ZBBX: variants seen among roughly 807,000 people sequenced by gnomAD.
ZBBX encodes zinc finger B-box domain containing.
A neutral mutation model predicts 108.5 loss-of-function variants in ZBBX; 101 were observed. The observed-to-expected ratio is 0.93, with a 90% CI of 0.79 to 1.10. ZBBX has a LOEUF of 1.10. ZBBX is among the 50% of genes least tolerant of loss of function. The probability of loss-of-function intolerance (pLI) is 0.00; values close to 1 mark genes in which losing one functional copy is unlikely to be tolerated. For synonymous variants in ZBBX, 356 were observed against 323.4 expected (o/e 1.10, Z -1.08); for missense variants, 1,009 against 941.4 (o/e 1.07, Z -0.94).
intron 1 of ZBBX, among the ~76,000 whole-genome samples, chr3:167,402,667 T>C (rs1748460652): frequency 6.6e-6 from 1 of 151,918 alleles, no homozygotes; most frequent in South Asian, 2.1e-4. Context: ...ATTTAAAAGA[T>C]CTATCTTCAA....
chr3:167,191,089 T>C, the ZBBX span, among the ~76,000 whole-genome samples: 2 of 152,182 alleles, frequency 1.3e-5, no homozygotes, highest in African/African-American at 4.8e-5. Flanking sequence ...TCAACCAAGT[T>C]ACTAAAGTAG....
intron 20 of ZBBX, chr3:167,248,562 G>A: frequency 4.4e-6 from 2 of 451,862 alleles, no homozygotes; most frequent in Middle Eastern, 3.4e-4. Context: ...ATTCGACAGG[G>A]CACATTTGAG....
At chr3:167,335,137 A>G (rs1450517051) in intron 9 of ZBBX, among the ~76,000 whole-genome samples, 1 of 151,564 alleles carries the variant, frequency 6.6e-6, no homozygotes, top group East Asian at 1.9e-4. Context: ...CCCTAACTAT[A>G]TTGATTTCAC....
At chr3:167,199,100 G>A in the ZBBX span, among the ~76,000 whole-genome samples, 1 of 152,158 alleles carries the variant, frequency 6.6e-6, no homozygotes, top group Non-Finnish European at 1.5e-5. Flanking sequence ...AAGAGAATGG[G>A]GAAGTGAGAT....
chr3:167,367,968 G>GTGTATA (rs1412044443), intron 5 of ZBBX, among the ~76,000 whole-genome samples: 3 of 21,908 alleles, frequency 1.4e-4, no homozygotes, highest in African/African-American at 4.3e-4. Context: ...TTATATATAT[G>GTGTATA]TATATATATA....
intron 9 of ZBBX, among the ~76,000 whole-genome samples, chr3:167,344,858 T>C (rs1356277673): frequency 6.6e-6 from 1 of 151,828 alleles, no homozygotes; most frequent in Non-Finnish European, 1.5e-5. Context: ...ATTTGCCAAG[T>C]AGAGGTTACA....
At chr3:167,212,964 C>A in the ZBBX span, among the ~76,000 whole-genome samples, 2 of 152,144 alleles carry the variant, frequency 1.3e-5, no homozygotes, top group African/African-American at 4.8e-5. Flanking sequence ...AAACCAGAGA[C>A]AAGAAGTCAG....
chr3:167,296,631 C>T (rs1576922683), intron 18 of ZBBX, among the ~76,000 whole-genome samples: 1 of 151,748 alleles, frequency 6.6e-6, no homozygotes, highest in Non-Finnish European at 1.5e-5. Context: ...TTCACAACAG[C>T]CTAAAAAAGA....
At chr3:167,207,819 A>C in the ZBBX span, among the ~76,000 whole-genome samples, 8 of 152,336 alleles carry the variant, frequency 5.3e-5, no homozygotes, top group Non-Finnish European at 8.8e-5. Context: ...GTTGAACAAC[A>C]ATCCACATCA....
intron 4 of ZBBX, among the ~76,000 whole-genome samples, chr3:167,371,447 C>T (rs1746143262): frequency 6.6e-6 from 1 of 152,142 alleles, no homozygotes; most frequent in African/African-American, 2.4e-5. Flanking sequence ...TCTCCTAGTC[C>T]CTTGCCTTTA....
chr3:167,306,405 C>G (rs946536934), intron 16 of ZBBX, among the ~76,000 whole-genome samples: 4 of 152,126 alleles, frequency 2.6e-5, no homozygotes, highest in Non-Finnish European at 5.9e-5. Context: ...AGAAGAGCAG[C>G]AGTTGGGGGC....
the ZBBX span, among the ~76,000 whole-genome samples, chr3:167,219,409 A>C: frequency 1.3e-5 from 2 of 152,076 alleles, no homozygotes; most frequent in East Asian, 3.8e-4. Context: ...GTTCAAAAAA[A>C]CTGAAATTAT....
intron 11 of ZBBX, among the ~76,000 whole-genome samples, chr3:167,323,239 G>GT (rs989560605): frequency 4.9e-5 from 1 of 20,348 alleles, no homozygotes; most frequent in African/African-American, 1.3e-4. Context: ...AGCTAAAAGA[G>GT]GGGGGGGGGG....
At chr3:167,346,953 A>G (rs970024823) in intron 9 of ZBBX, among the ~76,000 whole-genome samples, 1 of 151,980 alleles carries the variant, frequency 6.6e-6, no homozygotes, top group Non-Finnish European at 1.5e-5. Context: ...ATGACAGAGA[A>G]TGGGCAAGAC....
the ZBBX span, among the ~76,000 whole-genome samples, chr3:167,195,348 A>G: frequency 1.0e-3 from 154 of 152,334 alleles, no homozygotes; most frequent in African/African-American, 3.5e-3. Context: ...AAATTAGTGT[A>G]ACTTTTGAGT....
chr3:167,275,046 T>A (rs1394072847), intron 20 of ZBBX, among the ~76,000 whole-genome samples: 1 of 152,214 alleles, frequency 6.6e-6, no homozygotes, highest in Non-Finnish European at 1.5e-5. Context: ...ATTTTTGTGG[T>A]GGAAAAACAT....
Position 167,406,073 on chromosome 3 carries a change from AT to A in ZBBX, c.-446+1652del, listed in dbSNP as rs547518595. ...GGGCAAGACTCAGTCTAAAAAAAAA[AT>A]TAATAAATTCTTCCCAAATAGATTA... is the stretch of plus-strand genomic sequence containing the variant. On this transcript the variant is annotated intron_variant, in intron 1 of 21. Transcript: ENST00000455345. Among the ~76,000 whole-genome samples the A allele has an allele frequency of 4.0e-3, 604 of 152,308 alleles. 2 individuals are homozygous for A. The highest frequency in any genetic ancestry group is 5.8e-3 in the South Asian group (28 of 4,816).
intron 9 of ZBBX, among the ~76,000 whole-genome samples, chr3:167,346,221 CT>C (rs79612619): frequency 0.38 from 57,561 of 151,308 alleles, 11,283 homozygotes; most frequent in East Asian, 0.67. Flanking sequence ...ATAATTGCCT[CT>C]CATGCATTTA....
At chr3:167,339,057 A>T (rs991914572) in intron 9 of ZBBX, among the ~76,000 whole-genome samples, 1 of 152,124 alleles carries the variant, frequency 6.6e-6, no homozygotes, top group Admixed American at 6.6e-5. Flanking sequence ...CTTTGATGTG[A>T]ATTACCTCAT....
Sources: allele counts gnomAD v4.1 joint callset (sites outside exome capture counted in the v4.1 genomes callset), GRCh38; gene constraint gnomAD v4.1.1; transcripts MANE v1.5; gene names NCBI Gene and HGNC (gene_info 2026-07-23, HGNC 2026-07-21).